LCN15: variants seen among roughly 807,000 people sequenced by gnomAD.
LCN15 encodes lipocalin-15.
LCN15 carries 26 observed loss-of-function variants against 23.1 expected under a neutral mutation model. The observed-to-expected ratio is 1.13, with a 90% CI of 0.82 to 1.56. The LOEUF is 1.56. Ranked by LOEUF, LCN15 falls within the 40% of genes most tolerant of loss-of-function variation. The pLI, the probability that LCN15 is intolerant of heterozygous loss-of-function variation, is 0.00. For missense variants in LCN15, 241 were observed against 239.5 expected (o/e 1.01, Z -0.04); for synonymous variants, 107 against 98.3 (o/e 1.09, Z -0.52).
Position 136,764,438 on chromosome 9 carries a change from C to T in LCN15, c.51G>A (p.Thr17=), listed in dbSNP as rs1230910987. The change falls in exon 1 of 7, where the codon ACG becomes ACA. Residue 17 remains threonine (T), a synonymous_variant. Transcript: ENST00000316144. ...GCTGCAGCAGAACCTCAGCCTGAGCCGTGGGCGCCCAGAGCAGGGTCAGGA... is the reference window on the plus strand; with the variant it reads ...GCTGCAGCAGAACCTCAGCCTGAGCTGTGGGCGCCCAGAGCAGGGTCAGGA... ...GAILTLLWAP[T]AQAEVLLQPD... is the part of the protein sequence containing the mutation. The T allele has an allele frequency of 1.2e-6, 2 of 1,613,316 alleles. No homozygotes were observed. The highest frequency in any genetic ancestry group is 2.2e-5 in the East Asian group (1 of 44,872).
In LCN15 at chr9:136,762,922, T is replaced by TA. The variant is rs564732610; in HGVS notation, c.418+434dup. Among the ~76,000 whole-genome samples, 179 of 104,864 alleles carry TA rather than the reference T, an allele frequency of 1.7e-3. 9 individuals carry two copies. Among genetic ancestry groups the TA allele is most frequent in the East Asian group, 6.4e-3 (23 of 3,576 alleles). 68.8% of individuals were successfully genotyped at this position (104,864 alleles called of 152,430 possible). On this transcript the variant is annotated intron_variant, in intron 4 of 6. Transcript: ENST00000316144. ...TGGGCGACAGAGTGAGACTCCATAT[T>TA]AAAAAAAAAAAAAAAAAAGAACCTC...
intron 6 of LCN15, among the ~76,000 whole-genome samples, chr9:136,760,787 G>A (rs931230039): frequency 6.6e-6 from 1 of 152,254 alleles, no homozygotes; most frequent in African/African-American, 2.4e-5. Context: ...TGGGGAGGGA[G>A]CCAGGGGCTG....
At position 136,761,813 on chromosome 9, in the gene LCN15, G is replaced by T. The variant is rs573644698; in HGVS notation, c.*6C>A. 1.5e-6 allele frequency: 2 copies of T among 1,291,996 alleles called. No individual in the cohort carries two copies. The highest frequency in any genetic ancestry group is 3.8e-5 in the Admixed American group (1 of 26,568). 80.0% of individuals were successfully genotyped at this position (1,291,996 alleles called of 1,614,324 possible). ...TGGGAAGGGCGGGGGTGGGGCTCCG[G>T]AGGTGTCAGGGCGCCTCCTTGCTCT... On this transcript the variant is annotated 3_prime_UTR_variant, in exon 6 of 7. Transcript: ENST00000316144. The surrounding 1 kb of genome is among the most constrained non-coding windows in gnomAD (Gnocchi z 4.2).
intron 3 of LCN15, 78 bp from the exon 4 acceptor site, chr9:136,763,545 G>C: frequency 8.0e-7 from 1 of 1,255,464 alleles, no homozygotes; most frequent in Admixed American, 1.9e-5. Flanking sequence ...GCCTGCCCCT[G>C]CTGCTGGGCT....
intron 1 of LCN15, 167 bp downstream of exon 1, chr9:136,764,226 G>T: frequency 1.2e-6 from 1 of 803,496 alleles, no homozygotes; most frequent in Non-Finnish European, 2.0e-6. Context: ...GTGCAGTAAT[G>T]ATCCATTCAC....
chr9:136,764,301 C>T lies in LCN15; in HGVS notation c.96+92G>A, dbSNP rs7022710. On this transcript the variant is annotated intron_variant, in intron 1 of 6. Transcript: ENST00000316144. The stretch of plus-strand genomic sequence containing the variant: ...CGTGCCTGGCCGGGCACAGAGCAAG[C>T]GCCCCAGGAAAGGCAGTTGTCACAA... 6.1e-3 allele frequency: 7,877 copies of T among 1,282,336 alleles called. 365 individuals are homozygous for T. The African/African-American group carries it at 0.1, about 17-fold the overall frequency. The allele number at this position is 1,282,336 out of a possible 1,614,324, so 79.4% of individuals were successfully genotyped here. A position where few individuals can be genotyped will look rare whatever the true frequency, so the allele number is the denominator to read the frequency against.
chr9:136,764,412 G>A lies in LCN15; in HGVS notation c.77C>T (p.Pro26Leu). 2 of 1,613,338 alleles carry A rather than the reference G, an allele frequency of 1.2e-6. No homozygotes were observed. Among genetic ancestry groups the A allele is most frequent in the Non-Finnish European group, 1.7e-6 (2 of 1,179,744 alleles). The part of the protein sequence containing the change: ...PTAQAEVLLQ[P>L]DFNAEKFSGL... ...TGGTACCTTTTCAGCATTGAAGTCA[G>A]GCTGCAGCAGAACCTCAGCCTGAGC... is the stretch of plus-strand genomic sequence containing the variant. The change falls in exon 1 of 7, where the codon CCT (proline) becomes CTT (leucine). Residue 26 changes from proline to leucine, a missense_variant. Transcript: ENST00000316144.
chr9:136,763,126 G>T (rs1414872541), intron 4 of LCN15, among the ~76,000 whole-genome samples: 1 of 151,576 alleles, frequency 6.6e-6, no homozygotes, highest in Non-Finnish European at 1.5e-5. Flanking sequence ...AGGAGTGTGT[G>T]CGAAGGGTCA....
rs1321024239 is a variant in LCN15, at chr9:136,763,897, C to T, written c.209G>A (p.Gly70Asp). 13 of 1,613,642 alleles carry T rather than the reference C, an allele frequency of 8.1e-6. No individual in the cohort carries two copies. Among genetic ancestry groups the T allele is most frequent in the Non-Finnish European group, 1.1e-5 (13 of 1,179,974 alleles). ...CGGGAACTCCATGTGGACGTGGAGG[C>T]CGCCCTCCTCTGTGGGCCTGATGGC... ...TRAIRPTEEG[G>D]LHVHMEFPGA... The change falls in exon 2 of 7, where the codon GGC becomes GAC. Residue 70 changes from glycine to aspartate, a missense_variant. Gly to Asp is a moderately conservative substitution (Grantham distance 94, BLOSUM62 -1). Coordinates refer to ENST00000316144, the MANE Select transcript of LCN15 (RefSeq NM_203347.2).
At chr9:136,760,810 G>C (rs912159284) in intron 6 of LCN15, among the ~76,000 whole-genome samples, 1 of 152,218 alleles carries the variant, frequency 6.6e-6, no homozygotes, top group Non-Finnish European at 1.5e-5. Context: ...TGGATACAGC[G>C]GGGACACAGA....
In LCN15 at chr9:136,763,369, C is replaced by G. The variant is rs1202765769; in HGVS notation, c.406G>C (p.Val136Leu). The G allele has an allele frequency of 1.3e-6, 2 of 1,584,096 alleles. No homozygotes were observed. The highest frequency in any genetic ancestry group is 1.7e-6 in the Non-Finnish European group (2 of 1,164,662). Residue 136 changes from valine (V) to leucine (L), a missense_variant, in exon 4 of 7, where the codon GTG becomes CTG. Physicochemically the swap from Val to Leu is conservative, Grantham distance 32 (BLOSUM62 1). Coordinates refer to ENST00000316144, the MANE Select transcript of LCN15 (RefSeq NM_203347.2). ...GACAGGCACTCACTGTAGAGCTGCACCATGGTGCTGAGGGCCCCCTCCAGC... is the reference window on the plus strand; with the variant it reads ...GACAGGCACTCACTGTAGAGCTGCAGCATGGTGCTGAGGGCCCCCTCCAGC... ...KELEGALSTM[V>L]QLYSRTQDVS...
Position 136,761,137 on chromosome 9 carries a change from C to T in LCN15, c.*32+650G>A, listed in dbSNP as rs563210045. ...AGAAATGCCCAGGACAAGCGGCAGC[C>T]GTGGGAGCTGGGGGGGCGGTGTGGG... On this transcript the variant is annotated intron_variant, in intron 6 of 6. Transcript: ENST00000316144. The surrounding 1 kb of genome is among the most constrained non-coding windows in gnomAD (Gnocchi z 4.2). 2.0e-5 allele frequency among the ~76,000 whole-genome samples: 3 copies of T among 151,404 alleles called. No homozygotes were observed. The highest frequency in any genetic ancestry group is 4.2e-4 in the South Asian group (2 of 4,718).
At chr9:136,763,318 G>C (rs1314806621) in intron 4 of LCN15, 39 bp downstream of exon 4, 1 of 1,194,334 alleles carries the variant, frequency 8.4e-7, no homozygotes. Context: ...GTGGGAAGTT[G>C]GGGAGGGGCC....
At chr9:136,760,225 G>A (rs944920042) in intron 6 of LCN15, among the ~76,000 whole-genome samples, 4 of 152,222 alleles carry the variant, frequency 2.6e-5, no homozygotes, top group Non-Finnish European at 5.9e-5. Context: ...AGATCATGGC[G>A]GGATGGGGCT....
intron 4 of LCN15, among the ~76,000 whole-genome samples, 165 bp from the exon 5 acceptor site, chr9:136,762,454 G>A (rs1306554677): frequency 6.6e-6 from 1 of 152,156 alleles, no homozygotes; most frequent in African/African-American, 2.4e-5. Flanking sequence ...GAAACTTGGG[G>A]CCCCCTTCCC....
At position 136,763,445 on chromosome 9, in the gene LCN15, G is replaced by C; in HGVS notation, c.330C>G (p.Arg110=). ...AGGAGCTGTAGTCTGTGTCCACGAT[G>C]CGCACGTCCAGGTAGCCCAAGGCTG... ...RVPALGYLDV[R]IVDTDYSSFA... is the part of the protein sequence containing the mutation. Residue 110 remains arginine (R), a synonymous_variant, in exon 4 of 7, where the codon CGC becomes CGG. Coordinates refer to ENST00000316144, the MANE Select transcript of LCN15 (RefSeq NM_203347.2). 6.2e-7 allele frequency: 1 copy of C among 1,609,014 alleles called. No homozygotes were observed. Among genetic ancestry groups the C allele is most frequent in the African/African-American group, 1.3e-5 (1 of 74,954 alleles).
rs1847291422 is a variant in LCN15, at chr9:136,759,721, G to C, written c.*95C>G. 6.6e-6 allele frequency: 1 copy of C among 152,226 alleles called. No individual in the cohort carries two copies. The highest frequency in any genetic ancestry group is 1.5e-5 in the Non-Finnish European group (1 of 68,086). 9.4% of individuals were successfully genotyped at this position (152,226 alleles called of 1,614,324 possible). On this transcript the variant is annotated 3_prime_UTR_variant, in exon 7 of 7. Transcript: ENST00000316144. ...GGGGTGGAGGATGGAGAGACTCCAG[G>C]TGGTCCCCGAGGGCTGTGGGTCTTG...
chr9:136,762,708 T>G (rs1847333213), intron 4 of LCN15, among the ~76,000 whole-genome samples: 1 of 152,106 alleles, frequency 6.6e-6, no homozygotes, highest in Non-Finnish European at 1.5e-5. Flanking sequence ...GAGACCATCC[T>G]GGCTAACACG....
rs749102040 is a variant in LCN15, at chr9:136,763,442, G to C, written c.333C>G (p.Ile111Met). The C allele has an allele frequency of 3.1e-6, 5 of 1,609,058 alleles. No homozygotes were observed. The highest frequency in any genetic ancestry group is 2.2e-5 in the East Asian group (1 of 44,862). Residue 111 changes from isoleucine to methionine, a missense_variant, in exon 4 of 7, where the codon ATC becomes ATG. Coordinates refer to ENST00000316144, the MANE Select transcript of LCN15 (RefSeq NM_203347.2). ...CGAAGGAGCTGTAGTCTGTGTCCAC[G>C]ATGCGCACGTCCAGGTAGCCCAAGG... is the stretch of plus-strand genomic sequence containing the variant. Reference protein sequence around the residue: ...VPALGYLDVRIVDTDYSSFAV... With the variant: ...VPALGYLDVRMVDTDYSSFAV...
Sources: gnomAD v4.1 joint callset for allele counts (sites outside exome capture counted in the v4.1 genomes callset) on GRCh38, gnomAD v4.1.1 for gene constraint, Gnocchi (gnomAD v3.1) non-coding constraint, MANE v1.5 for transcripts, NCBI Gene and HGNC (gene_info 2026-07-23, HGNC 2026-07-21) for gene names.